The following RHBDF1 variants were observed in gnomAD, a reference collection of about 807,000 sequenced individuals.
The protein encoded by RHBDF1 is inactive rhomboid protein 1.
RHBDF1 carries 80 observed loss-of-function variants against 98.6 expected under a neutral mutation model. The observed-to-expected ratio is 0.81, with a 90% CI of 0.68 to 0.98. The LOEUF is 0.98. Ranked by LOEUF, RHBDF1 falls within the 50% of genes least tolerant of loss-of-function variation. The probability of loss-of-function intolerance (pLI) is 0.00; values close to 1 mark genes in which losing one functional copy is unlikely to be tolerated. For synonymous variants in RHBDF1, 512 were observed against 486.8 expected, an observed-to-expected ratio of 1.05 and a Z score of -0.68; for missense variants, 1,116 against 1,198.3, an observed-to-expected ratio of 0.93 and a Z score of 1.01.
chr16:59,247 G>A lies in RHBDF1; in HGVS notation c.1994+2C>T. 6.3e-7 allele frequency: 1 copy of A among 1,598,906 alleles called. No individual in the cohort carries two copies. Among genetic ancestry groups the A allele is most frequent in the Non-Finnish European group, 8.5e-7 (1 of 1,171,172 alleles). Reference sequence around the variant, plus strand: ...CCCGACCCGGCCCACAGTGTCACTTGCCCGGCGTGCAGGAAGAGGGATAGC... The same window carrying A: ...CCCGACCCGGCCCACAGTGTCACTTACCCGGCGTGCAGGAAGAGGGATAGC... On this transcript the variant is annotated splice_donor_variant, in intron 16 of 17. Transcript: ENST00000262316. LOFTEE classifies it low-confidence loss of function (GC_TO_GT_DONOR).
intron 12 of RHBDF1, 63 bp downstream of exon 12, chr16:60,376 G>A (rs1011097908): frequency 1.9e-6 from 3 of 1,595,376 alleles, no homozygotes; most frequent in African/African-American, 1.3e-5. Flanking sequence ...TACACCCTCT[G>A]CACCACAGCC....
intron 4 of RHBDF1, 34 bp from the exon 5 acceptor site, chr16:63,216 C>A: frequency 6.6e-7 from 1 of 1,509,020 alleles, no homozygotes; most frequent in South Asian, 1.2e-5. Context: ...GAGTCAGGAC[C>A]ATGGGGGCTC....
In RHBDF1 at chr16:60,196, A is replaced by G; in HGVS notation, c.1722+20T>C. The stretch of plus-strand genomic sequence containing the variant: ...ACATGACACGGAGGGCTCCCTAACA[A>G]CCCCCCCACTGCAGCTCACCGGCCA... On this transcript the variant is annotated intron_variant, in intron 13 of 17. Transcript: ENST00000262316. 6.2e-7 allele frequency: 1 copy of G among 1,611,600 alleles called. No individual in the cohort carries two copies. Among genetic ancestry groups the G allele is most frequent in the Non-Finnish European group, 8.5e-7 (1 of 1,178,886 alleles).
intron 3 of RHBDF1, chr16:64,297 G>A (rs926612836): frequency 2.2e-6 from 3 of 1,337,472 alleles, no homozygotes; most frequent in Non-Finnish European, 3.0e-6. Context: ...GCACATGCCA[G>A]AAAACACCAA....
At chr16:72,632 C>A, upstream of RHBDF1, 1 of 958,978 alleles carries the variant, frequency 1.0e-6, no homozygotes, top group Non-Finnish European at 1.2e-6. Flanking sequence ...CCGGGAATGC[C>A]CTGGAGCGAG....
chr16:67,282 G>T (rs1047363027), intron 1 of RHBDF1, among the ~76,000 whole-genome samples: 1 of 152,208 alleles, frequency 6.6e-6, no homozygotes, highest in African/African-American at 2.4e-5. Context: ...GAAAATGGAC[G>T]AATGCTCTTA....
At chr16:64,634 G>A (rs1897772222) in intron 3 of RHBDF1, 65 bp downstream of exon 3, 41 of 1,563,306 alleles carry the variant, frequency 2.6e-5, no homozygotes, top group Non-Finnish European at 3.5e-5. Context: ...CATCCTCTGT[G>A]TACCTGCCTC....
chr16:64,669 C>T (rs752646726), intron 3 of RHBDF1, 30 bp downstream of exon 3: 12 of 1,587,710 alleles, frequency 7.6e-6, no homozygotes, highest in Middle Eastern at 1.7e-4. Flanking sequence ...CCAGCTCCCA[C>T]CCCATGGAGC....
At chr16:69,795 A>G (rs1322814684) in intron 1 of RHBDF1, among the ~76,000 whole-genome samples, 3 of 152,196 alleles carry the variant, frequency 2.0e-5, no homozygotes, top group Admixed American at 2.0e-4. Context: ...AGGGTGGAGC[A>G]GGGCAGGCCT....
Position 58,944 on chromosome 16 carries a change from G to A in RHBDF1, c.2148+30C>T, listed in dbSNP as rs368927536. On this transcript the variant is annotated intron_variant, in intron 17 of 17. Transcript: ENST00000262316. ...CACAGCAGGCTGCAGGTGCACACGG[G>A]AGGATCCCCACCCTGAGGGCCAGCC... The A allele has an allele frequency of 2.5e-6, 4 of 1,609,984 alleles. No individual in the cohort carries two copies. In the African/African-American group the frequency reaches 5.3e-5, roughly 21 times the overall value.
At position 62,003 on chromosome 16, in the gene RHBDF1, G is replaced by T; in HGVS notation, c.1003C>A (p.Gln335Lys). The T allele has an allele frequency of 6.4e-7, 1 of 1,551,090 alleles. No homozygotes were observed. The highest frequency in any genetic ancestry group is 8.7e-7 in the Non-Finnish European group (1 of 1,155,174). The change falls in exon 8 of 18, where the codon CAG becomes AAG. Residue 335 changes from glutamine (Q) to lysine (K), a missense_variant. Gln to Lys is a moderately conservative substitution (Grantham distance 53, BLOSUM62 1). Coordinates refer to ENST00000262316, the MANE Select transcript of RHBDF1 (RefSeq NM_022450.5). ...TCCTGTCGGAGCCGCACCTTGGGCT[G>T]CGGGGCTGCGGCGCCCTCCTTCTGC... ...RKQKEGAAAP[Q>K]PKVRLRQEVV...
chr16:59,833 C>T lies in RHBDF1; in HGVS notation c.1723-7G>A, dbSNP rs751593106. On this transcript the variant is annotated splice_region_variant and splice_polypyrimidine_tract_variant and intron_variant, in intron 13 of 17. Coordinates refer to ENST00000262316, the MANE Select transcript of RHBDF1 (RefSeq NM_022450.5). ...CGCTGTTTTTGGTGCAGATCTGGGT[C>T]ACAAATGAGGACGAGCTGAGTCAGG... 2 of 1,614,030 alleles carry T rather than the reference C, an allele frequency of 1.2e-6. No individual in the cohort carries two copies. The highest frequency in any genetic ancestry group is 1.7e-6 in the Non-Finnish European group (2 of 1,179,980).
At chr16:71,746 G>A (rs1311178987) in intron 1 of RHBDF1, among the ~76,000 whole-genome samples, 1 of 152,172 alleles carries the variant, frequency 6.6e-6, no homozygotes, top group Non-Finnish European at 1.5e-5. Flanking sequence ...AAGATCCCCT[G>A]CCCATTCCCC....
In RHBDF1 at chr16:61,159, G is replaced by C. The variant is rs547200946; in HGVS notation, c.1518C>G (p.Asp506Glu). The change falls in exon 11 of 18, where the codon GAC becomes GAG. Residue 506 changes from aspartate (D) to glutamate (E), a missense_variant. Coordinates refer to ENST00000262316, the MANE Select transcript of RHBDF1 (RefSeq NM_022450.5). ...CCGAGGTCTGCACGCAGCCCGACCT[G>C]TCGTTGCGCACGCAGCAGGCGGAGT... ...EKHSACCVRN[D>E]RSGCVQTSEE... The C allele has an allele frequency of 4.0e-5, 62 of 1,539,078 alleles. No individual in the cohort carries two copies. In the South Asian group the frequency reaches 6.6e-4, roughly 16 times the overall value.
At chr16:64,116 C>T (rs996617106) in intron 3 of RHBDF1, 7 of 646,904 alleles carry the variant, frequency 1.1e-5, no homozygotes, top group Admixed American at 5.3e-5. Flanking sequence ...GAGCTCAACC[C>T]GAGAGAGCTT....
rs753035610 is a variant in RHBDF1, at chr16:59,096, G to C, written c.2026C>G (p.Gln676Glu). 1 of 1,613,494 alleles carries C rather than the reference G, an allele frequency of 6.2e-7. No homozygotes were observed. Among genetic ancestry groups the C allele is most frequent in the African/African-American group, 1.3e-5 (1 of 74,932 alleles). The change falls in exon 17 of 18, where the codon CAG (glutamine) becomes GAG (glutamate). Residue 676 changes from glutamine to glutamate, a missense_variant. Coordinates refer to ENST00000262316, the MANE Select transcript of RHBDF1 (RefSeq NM_022450.5). The part of the protein sequence containing the change: ...ILHCLVSICF[Q>E]MTVLRDLEKL... ...TCCAGGTCCCGCAGGACAGTCATCTGGAAGCAGATGGACACCAGGCAGTGC... is the reference window on the plus strand; with the variant it reads ...TCCAGGTCCCGCAGGACAGTCATCTCGAAGCAGATGGACACCAGGCAGTGC...
upstream of RHBDF1, chr16:73,910 ACACTTACCGGTAGAT>A: frequency 1.0e-6 from 1 of 983,568 alleles, no homozygotes; most frequent in Non-Finnish European, 1.2e-6. Flanking sequence ...AGGTGCTGGT[ACACTTACCGGTAGAT>A]CCCAGAGCCT....
chr16:62,666 T>C lies in RHBDF1; in HGVS notation c.825A>G (p.Thr275=), dbSNP rs1596469543. The C allele has an allele frequency of 6.2e-7, 1 of 1,614,018 alleles. No individual in the cohort carries two copies. Among genetic ancestry groups the C allele is most frequent in the South Asian group, 1.1e-5 (1 of 91,094 alleles). Residue 275 remains threonine (T), a synonymous_variant, in exon 7 of 18, where the codon ACA becomes ACG. Coordinates refer to ENST00000262316, the MANE Select transcript of RHBDF1 (RefSeq NM_022450.5). ...GGGACTCGAAAACTTCATCCGGGTA[T>C]GTGGACAGCTCTTCATGGAGGATAC... ...REGILHEELS[T]YPDEVFESPS... is the part of the protein sequence containing the mutation.
chr16:59,508 C>A lies in RHBDF1; in HGVS notation c.1818-14G>T. On this transcript the variant is annotated splice_polypyrimidine_tract_variant and intron_variant, in intron 14 of 17. Coordinates refer to ENST00000262316, the MANE Select transcript of RHBDF1 (RefSeq NM_022450.5). Reference sequence around the variant, plus strand: ...GTGATCTCACACCTAGAAAGGCAGGCCAGGGTTCGGAGACTGCTGCCTTGC... The same window carrying A: ...GTGATCTCACACCTAGAAAGGCAGGACAGGGTTCGGAGACTGCTGCCTTGC... 6.2e-7 allele frequency: 1 copy of A among 1,611,378 alleles called. No individual in the cohort carries two copies.
Sources: gnomAD v4.1 joint callset for allele counts (sites outside exome capture counted in the v4.1 genomes callset) on GRCh38, gnomAD v4.1.1 for gene constraint, MANE v1.5 for transcripts, NCBI Gene and HGNC (gene_info 2026-07-23, HGNC 2026-07-21) for gene names.